Variants in CRPPA observed in about 807,000 individuals in gnomAD.
The protein encoded by CRPPA is CDP-L-ribitol pyrophosphorylase A.
In CRPPA, 43 loss-of-function variants were observed where a neutral mutation model predicts 52.0. That is an observed-to-expected ratio of 0.83 (90% CI 0.65 to 1.07). CRPPA has a LOEUF of 1.07. CRPPA is among the 50% of genes least tolerant of loss of function. The probability of loss-of-function intolerance (pLI) is 0.00; values close to 1 mark genes in which losing one functional copy is unlikely to be tolerated. For synonymous variants in CRPPA, 250 were observed against 203.5 expected (o/e 1.23, Z -1.94); for missense variants, 629 against 551.7 (o/e 1.14, Z -1.40).
intron 3 of CRPPA, among the ~76,000 whole-genome samples, chr7:16,359,726 T>C (rs1786393105): frequency 6.6e-6 from 1 of 152,232 alleles, no homozygotes; most frequent in African/African-American, 2.4e-5. Context: ...CCTTTGACAG[T>C]GCCAAGAGGA....
intron 5 of CRPPA, among the ~76,000 whole-genome samples, chr7:16,298,621 G>C (rs1334917889): frequency 6.6e-6 from 1 of 152,194 alleles, no homozygotes; most frequent in Non-Finnish European, 1.5e-5. Context: ...TTAATTTTGT[G>C]TCATAAATTA....
At chr7:16,342,709 TC>T (rs1785880678) in intron 3 of CRPPA, among the ~76,000 whole-genome samples, 1 of 142,826 alleles carries the variant, frequency 7.0e-6, no homozygotes, top group Admixed American at 7.2e-5. Flanking sequence ...CAAGAGGTGA[TC>T]TGAGCCCAAG....
chr7:16,164,624 T>C (rs1054427535), intron 9 of CRPPA, among the ~76,000 whole-genome samples: 2 of 152,138 alleles, frequency 1.3e-5, no homozygotes, highest in African/African-American at 4.8e-5. Flanking sequence ...TTTGCACTGG[T>C]TTTTCCTCAT....
chr7:16,168,806 A>T (rs544079995), intron 9 of CRPPA, among the ~76,000 whole-genome samples: 1 of 152,328 alleles, frequency 6.6e-6, no homozygotes, highest in South Asian at 2.1e-4. Flanking sequence ...AAAGAAATGT[A>T]TACTATATGG....
chr7:16,312,712 G>A (rs1367505250), intron 3 of CRPPA, among the ~76,000 whole-genome samples: 1 of 151,880 alleles, frequency 6.6e-6, no homozygotes, highest in Non-Finnish European at 1.5e-5. Flanking sequence ...AATAATGTTA[G>A]CTGCAGGTGT....
At chr7:16,296,063 AATTAT>A (rs1477702857) in intron 5 of CRPPA, among the ~76,000 whole-genome samples, 1 of 152,188 alleles carries the variant, frequency 6.6e-6, no homozygotes, top group Non-Finnish European at 1.5e-5. Flanking sequence ...ATTTGTAATT[AATTAT>A]ATTTTAATAG....
At chr7:16,105,527 A>G (rs77234223) in intron 9 of CRPPA, among the ~76,000 whole-genome samples, 5,451 of 152,140 alleles carry the variant, frequency 0.036, 317 homozygotes, top group African/African-American at 0.12. Flanking sequence ...AAATGTCATG[A>G]CTACACCACT....
At chr7:16,259,091 T>G in intron 6 of CRPPA, 79 bp from the exon 7 acceptor site, 2 of 954,030 alleles carry the variant, frequency 2.1e-6, no homozygotes, top group Non-Finnish European at 3.2e-6. Context: ...GAACACATAA[T>G]TGCTAGAAGG....
intron 2 of CRPPA, among the ~76,000 whole-genome samples, chr7:16,397,026 C>G (rs1449554059): frequency 6.6e-6 from 1 of 151,868 alleles, no homozygotes; most frequent in Non-Finnish European, 1.5e-5. Context: ...AAACATGTGC[C>G]AGAACAAATG....
At chr7:16,291,202 C>T (rs569971207) in intron 5 of CRPPA, among the ~76,000 whole-genome samples, 139 of 151,942 alleles carry the variant, frequency 9.1e-4, no homozygotes, top group Non-Finnish European at 8.5e-4. Context: ...AGTACAAGAC[C>T]TCTATGAAAA....
At chr7:16,316,045 T>A (rs1298161099) in intron 3 of CRPPA, among the ~76,000 whole-genome samples, 1 of 152,084 alleles carries the variant, frequency 6.6e-6, no homozygotes, top group Non-Finnish European at 1.5e-5. Context: ...AAGTCCCCCA[T>A]GCACTCTTTT....
intron 4 of CRPPA, among the ~76,000 whole-genome samples, chr7:16,303,463 G>A (rs1254435961): frequency 4.0e-5 from 2 of 50,632 alleles, no homozygotes; most frequent in African/African-American, 1.8e-4. Context: ...TTTCTGTGTT[G>A]AGACATAAAA....
At chr7:16,317,674 A>G (rs1395426334) in intron 3 of CRPPA, among the ~76,000 whole-genome samples, 6 of 152,158 alleles carry the variant, frequency 3.9e-5, no homozygotes, top group Non-Finnish European at 5.9e-5. Context: ...GGTTTTTTCC[A>G]TATCTCGACT....
In CRPPA at chr7:16,216,169, G is replaced by C; in HGVS notation, c.1148C>G (p.Pro383Arg). The C allele has an allele frequency of 6.3e-7, 1 of 1,583,906 alleles. No homozygotes were observed. The highest frequency in any genetic ancestry group is 2.3e-5 in the East Asian group (1 of 44,422). The part of the protein sequence containing the change: ...SVHFLDFKLV[P>R]PSQKMENLMQ... ...TAGGTTTTCCATTTTCTGACTGGGA[G>C]GTACTAATTTAAAATCAAGAAAATG... Residue 383 changes from proline (P) to arginine (R), a missense_variant, in exon 9 of 10, where the codon CCT (proline) becomes CGT (arginine). Coordinates refer to ENST00000407010, the MANE Select transcript of CRPPA (RefSeq NM_001101426.4).
At chr7:16,252,980 T>A (rs1783502820) in intron 8 of CRPPA, among the ~76,000 whole-genome samples, 2 of 152,206 alleles carry the variant, frequency 1.3e-5, no homozygotes. Flanking sequence ...TTGCTTCTAT[T>A]TGATTCTTCT....
chr7:16,171,621 A>T (rs1157749216), intron 9 of CRPPA, among the ~76,000 whole-genome samples: 4 of 151,930 alleles, frequency 2.6e-5, no homozygotes, highest in African/African-American at 9.7e-5. Flanking sequence ...AAACAAACAA[A>T]CCAAAAAAAC....
At chr7:16,419,205 T>G (rs1788269520) in intron 1 of CRPPA, among the ~76,000 whole-genome samples, 1 of 152,236 alleles carries the variant, frequency 6.6e-6, no homozygotes, top group African/African-American at 2.4e-5. Context: ...TGATTATGGC[T>G]TTTTACACTT....
At chr7:16,398,226 A>G (rs1175895216) in intron 2 of CRPPA, among the ~76,000 whole-genome samples, 6 of 43,394 alleles carry the variant, frequency 1.4e-4, no homozygotes, top group African/African-American at 9.2e-4. Flanking sequence ...ACATGTAATA[A>G]CGTGACTGAC....
intron 9 of CRPPA, among the ~76,000 whole-genome samples, chr7:16,166,497 C>T (rs1347698093): frequency 6.6e-6 from 1 of 152,132 alleles, no homozygotes; most frequent in Non-Finnish European, 1.5e-5. Flanking sequence ...CCAGGCTAGT[C>T]TCGAACTCCT....
Sources: gnomAD v4.1 joint callset for allele counts (sites outside exome capture counted in the v4.1 genomes callset) on GRCh38, gnomAD v4.1.1 for gene constraint, MANE v1.5 for transcripts, NCBI Gene and HGNC (gene_info 2026-07-23, HGNC 2026-07-21) for gene names.